Variants in UHRF2 observed in about 807,000 individuals in gnomAD.
The protein encoded by UHRF2 is ubiquitin like with PHD and ring finger domains 2, also known as E3 ubiquitin-protein ligase UHRF2.
Under a neutral mutation model 96.8 loss-of-function variants are expected in UHRF2, and 23 were observed. The observed-to-expected ratio is 0.24, with a 90% CI of 0.17 to 0.34. UHRF2 has a LOEUF of 0.34. Ranked by LOEUF, UHRF2 falls within the 10% of genes least tolerant of loss-of-function variation. UHRF2 has a pLI of 1.00. For synonymous variants in UHRF2, 385 were observed against 332.6 expected, an observed-to-expected ratio of 1.16 and a Z score of -1.72; for missense variants, 685 against 981.5, an observed-to-expected ratio of 0.70 and a Z score of 4.04.
At chr9:6,451,641 C>T (rs1206074340) in intron 3 of UHRF2, among the ~76,000 whole-genome samples, 9 of 151,828 alleles carry the variant, frequency 5.9e-5, no homozygotes, top group South Asian at 2.1e-4. Flanking sequence ...CCACCACTCC[C>T]GGCTAATTTT....
chr9:6,502,878 A>G (rs1051746353), intron 14 of UHRF2, among the ~76,000 whole-genome samples: 3 of 152,220 alleles, frequency 2.0e-5, no homozygotes, highest in African/African-American at 7.2e-5. Context: ...TGTGTTTATA[A>G]TACTTTGTCT....
chr9:6,446,334 G>T (rs1025889774), intron 3 of UHRF2, among the ~76,000 whole-genome samples: 4 of 151,864 alleles, frequency 2.6e-5, no homozygotes, highest in African/African-American at 9.7e-5. Flanking sequence ...GTAGAGACAG[G>T]GTTTTAGCAT....
intron 3 of UHRF2, among the ~76,000 whole-genome samples, chr9:6,458,940 C>G (rs1242525845): frequency 2.0e-5 from 3 of 152,156 alleles, no homozygotes; most frequent in Non-Finnish European, 4.4e-5. Flanking sequence ...AGCTGGAAAC[C>G]ATCATTCTCA....
chr9:6,499,275 A>G (rs1350796095), intron 12 of UHRF2: 3 of 121,662 alleles, frequency 2.5e-5, no homozygotes, highest in Non-Finnish European at 4.8e-5. Flanking sequence ...GAAGGTAGCC[A>G]TTGAAACATA....
At chr9:6,499,793 G>T in intron 12 of UHRF2, 42 bp from the exon 13 acceptor site, 2 of 1,432,060 alleles carry the variant, frequency 1.4e-6, no homozygotes, top group East Asian at 2.5e-5. Flanking sequence ...TCTCTGTGAA[G>T]CTTAAATCTG....
At chr9:6,427,560 G>A (rs914318193) in intron 2 of UHRF2, among the ~76,000 whole-genome samples, 10 of 152,040 alleles carry the variant, frequency 6.6e-5, no homozygotes, top group Non-Finnish European at 4.4e-5. Context: ...GGTGGCGTAC[G>A]ACTAATCCCA....
intron 9 of UHRF2, among the ~76,000 whole-genome samples, chr9:6,493,499 A>T (rs1395701277): frequency 1.3e-5 from 2 of 152,198 alleles, no homozygotes; most frequent in African/African-American, 2.4e-5. Context: ...TTAACATTGA[A>T]TTGAATAAAA....
chr9:6,487,421 C>G (rs1824369057), intron 9 of UHRF2, among the ~76,000 whole-genome samples: 1 of 151,970 alleles, frequency 6.6e-6, no homozygotes, highest in Non-Finnish European at 1.5e-5. Context: ...GACTGGAGTT[C>G]AGTGGCTCAG....
intron 9 of UHRF2, among the ~76,000 whole-genome samples, chr9:6,493,165 G>A (rs1824767328): frequency 6.6e-6 from 1 of 152,058 alleles, no homozygotes; most frequent in South Asian, 2.1e-4. Flanking sequence ...AGGCGTAGTG[G>A]CACATTCCTG....
chr9:6,495,939 G>GAGTT (rs1824940936), intron 10 of UHRF2: 1 of 151,884 alleles, frequency 6.6e-6, no homozygotes, highest in South Asian at 2.1e-4. Context: ...AGTAGCCCTA[G>GAGTT]AGTTGATGGC....
chr9:6,477,707 A>G lies in UHRF2; in HGVS notation c.1059A>G (p.Lys353=). 1.9e-6 allele frequency: 3 copies of G among 1,614,144 alleles called. No individual in the cohort carries two copies. The highest frequency in any genetic ancestry group is 2.5e-6 in the Non-Finnish European group (3 of 1,180,008). Residue 353 remains lysine (K), a synonymous_variant, in exon 6 of 16, where the codon AAA becomes AAG. Transcript: ENST00000276893. ...GCTCCTGTCGTGTATGTGGTGGGAA[A>G]CATGAACCCAACATGCAGCTTCTGT... ...HSCSCRVCGG[K]HEPNMQLLCD... is the part of the protein sequence containing the mutation.
At chr9:6,482,193 T>C (rs1177517650) in intron 8 of UHRF2, 94 bp downstream of exon 8, 10 of 978,930 alleles carry the variant, frequency 1.0e-5, no homozygotes, top group Non-Finnish European at 1.6e-5. Flanking sequence ...ACCTAACACA[T>C]GACATTCACT....
At chr9:6,466,592 TTCAG>T (rs1178108665) in intron 4 of UHRF2, among the ~76,000 whole-genome samples, 1 of 150,114 alleles carries the variant, frequency 6.7e-6, no homozygotes, top group Non-Finnish European at 1.5e-5. Flanking sequence ...GCATTTTAGG[TTCAG>T]TGTCATTTTT....
chr9:6,474,957 G>C (rs1043264949), intron 4 of UHRF2, among the ~76,000 whole-genome samples: 1 of 152,014 alleles, frequency 6.6e-6, no homozygotes. Context: ...TTTCACAAAA[G>C]TATATAAAAA....
chr9:6,482,701 A>G (rs550445955), intron 8 of UHRF2, among the ~76,000 whole-genome samples: 2 of 148,746 alleles, frequency 1.3e-5, no homozygotes, highest in East Asian at 2.0e-4. Flanking sequence ...GGTTCACGCC[A>G]TTCTCCTGCC....
intron 4 of UHRF2, among the ~76,000 whole-genome samples, chr9:6,467,817 C>G (rs1822971108): frequency 6.6e-6 from 1 of 151,984 alleles, no homozygotes; most frequent in South Asian, 2.1e-4. Context: ...GGACTGAATC[C>G]TAGCTTATCA....
At chr9:6,489,527 T>C (rs1374056998) in intron 9 of UHRF2, among the ~76,000 whole-genome samples, 1 of 152,256 alleles carries the variant, frequency 6.6e-6, no homozygotes, top group Non-Finnish European at 1.5e-5. Context: ...TTTATGTTCC[T>C]ATCGGCAGTA....
At chr9:6,461,865 T>G (rs1437473281) in intron 4 of UHRF2, among the ~76,000 whole-genome samples, 1 of 152,174 alleles carries the variant, frequency 6.6e-6, no homozygotes, top group East Asian at 1.9e-4. Context: ...CATTTCCAGT[T>G]CTTTATTATC....
chr9:6,459,209 A>ATT (rs201601512), intron 3 of UHRF2, among the ~76,000 whole-genome samples: 180 of 152,242 alleles, frequency 1.2e-3, no homozygotes, highest in African/African-American at 4.1e-3. Flanking sequence ...AAGAACTTAA[A>ATT]TTTTAAAAAA....
Sources: gnomAD v4.1 joint callset for allele counts (sites outside exome capture counted in the v4.1 genomes callset) on GRCh38, gnomAD v4.1.1 for gene constraint, MANE v1.5 for transcripts, NCBI Gene and HGNC (gene_info 2026-07-23, HGNC 2026-07-21) for gene names.